Variants in NDOR1 observed in about 807,000 individuals in gnomAD.
The protein encoded by NDOR1 is NADPH dependent diflavin oxidoreductase 1, also known as NADPH-dependent diflavin oxidoreductase 1.
NDOR1 carries 61 observed loss-of-function variants against 67.2 expected under a neutral mutation model. The ratio of observed to expected loss-of-function variants is 0.91; its 90% CI spans 0.74 to 1.12. The LOEUF (loss-of-function observed/expected upper bound fraction) is 1.12, where lower values mean the gene tolerates loss of function less well. NDOR1 is among the 50% of genes most tolerant of loss of function. NDOR1 has a pLI of 0.00. For synonymous variants in NDOR1, 378 were observed against 343.7 expected (o/e 1.10, Z -1.10); for missense variants, 878 against 802.8 (o/e 1.09, Z -1.13).
intron 2 of NDOR1, among the ~76,000 whole-genome samples, 182 bp downstream of exon 2, chr9:137,206,491 G>C (rs947605926): frequency 6.6e-6 from 1 of 152,186 alleles, no homozygotes; most frequent in African/African-American, 2.4e-5. Context: ...TAAACTCGTC[G>C]TAGCCACCAA....
Position 137,218,267 on chromosome 9 carries a change from G to A in NDOR1, c.*1851G>A. 2.5e-6 allele frequency: 1 copy of A among 398,346 alleles called. No homozygotes were observed. Among genetic ancestry groups the A allele is most frequent in the Non-Finnish European group, 4.4e-6 (1 of 225,850 alleles). 24.7% of individuals were successfully genotyped at this position (398,346 alleles called of 1,614,324 possible). ...GGAATGGGAGATCTGCCGGCTACAG[G>A]AGGAGCTGCTACAGGCCGACGGGCC... is the stretch of plus-strand genomic sequence containing the variant. On this transcript the variant is annotated 3_prime_UTR_variant, in exon 14 of 14. Coordinates refer to ENST00000684003, the MANE Select transcript of NDOR1 (RefSeq NM_014434.4).
At position 137,214,865 on chromosome 9, in the gene NDOR1, C is replaced by T. The variant is rs779964848; in HGVS notation, c.912C>T (p.Asp304=). The part of the protein sequence containing the change: ...SMRHLVSHYL[D]IASVPRRSFF... ...GGCACCTCGTGTCCCACTACCTGGA[C>T]ATCGCCAGCGTGCCTCGCCGCTCCT... is the stretch of plus-strand genomic sequence containing the variant. The change falls in exon 8 of 14, where the codon GAC becomes GAT. Residue 304 remains aspartate (D), a synonymous_variant. Transcript: ENST00000684003. 6.8e-6 allele frequency: 11 copies of T among 1,610,562 alleles called. No individual in the cohort carries two copies. The highest frequency in any genetic ancestry group is 9.3e-6 in the Non-Finnish European group (11 of 1,180,030).
chr9:137,215,204 T>C lies in NDOR1; in HGVS notation c.1173+2T>C. Reference sequence around the variant, plus strand: ...TTCTCCATCGCCTCCTCGCTGCTGGTGAGGGGCCTGGTGGTTGGAGCCCAG... The same window carrying C: ...TTCTCCATCGCCTCCTCGCTGCTGGCGAGGGGCCTGGTGGTTGGAGCCCAG... On this transcript the variant is annotated splice_donor_variant, in intron 9 of 13. Coordinates refer to ENST00000684003, the MANE Select transcript of NDOR1 (RefSeq NM_014434.4). LOFTEE classifies it high-confidence loss of function. The C allele has an allele frequency of 2.5e-6, 4 of 1,609,116 alleles. No homozygotes were observed. The African/African-American group carries it at 4.0e-5, about 16-fold the overall frequency.
chr9:137,217,948 C>G lies in NDOR1; in HGVS notation c.*1532C>G. 5.0e-6 allele frequency: 2 copies of G among 398,654 alleles called. No individual in the cohort carries two copies. Among genetic ancestry groups the G allele is most frequent in the Non-Finnish European group, 8.8e-6 (2 of 226,116 alleles). The allele number at this position is 398,654 out of a possible 1,614,324, so 24.7% of individuals were successfully genotyped here. On this transcript the variant is annotated 3_prime_UTR_variant, in exon 14 of 14. Coordinates refer to ENST00000684003, the MANE Select transcript of NDOR1 (RefSeq NM_014434.4). ...GCAAAGGGGATGACCTTGGGCACCC[C>G]CAAGGTGCTGAGACTACAGCCAGTG...
chr9:137,215,630 C>G, intron 10 of NDOR1, 29 bp from the exon 11 acceptor site: 1 of 1,582,154 alleles, frequency 6.3e-7, no homozygotes, highest in East Asian at 2.2e-5. Context: ...GTCTTTGATC[C>G]TCTTCATGCC....
intron 3 of NDOR1, 38 bp from the exon 4 acceptor site, chr9:137,213,742 C>T (rs988018476): frequency 1.7e-5 from 27 of 1,592,772 alleles, no homozygotes; most frequent in East Asian, 1.6e-4. Flanking sequence ...ACTCTCCGCC[C>T]GGGCTCCAGC....
chr9:137,206,287 G>A lies in NDOR1; in HGVS notation c.191G>A (p.Gly64Glu). The A allele has an allele frequency of 6.2e-7, 1 of 1,613,932 alleles. No homozygotes were observed. ...TTTGTTTGTGCAACTACAGGCCAAG[G>A]AGACCCCCCTGACAACATGAAGGTA... ...VIFVCATTGQGDPPDNMKNFW... is the reference protein window; with the variant it reads ...VIFVCATTGQEDPPDNMKNFW... Residue 64 changes from glycine to glutamate, a missense_variant, in exon 2 of 14, where the codon GGA becomes GAA. Physicochemically the swap from Gly to Glu is moderately conservative, Grantham distance 98. Coordinates refer to ENST00000684003, the MANE Select transcript of NDOR1 (RefSeq NM_014434.4).
In NDOR1 at chr9:137,212,711, G is replaced by A; in HGVS notation, c.311+112G>A. The A allele has an allele frequency of 1.1e-6, 1 of 951,088 alleles. No individual in the cohort carries two copies. Among genetic ancestry groups the A allele is most frequent in the Non-Finnish European group, 1.7e-6 (1 of 598,030 alleles). 58.9% of individuals were successfully genotyped at this position (951,088 alleles called of 1,614,324 possible). A position where few individuals can be genotyped will look rare whatever the true frequency, so the allele number is the denominator to read the frequency against. On this transcript the variant is annotated intron_variant, in intron 3 of 13. Coordinates refer to ENST00000684003, the MANE Select transcript of NDOR1 (RefSeq NM_014434.4). The surrounding 1 kb of genome is among the most constrained non-coding windows in gnomAD (Gnocchi z 4.3). Reference sequence around the variant, plus strand: ...CAGGGTCGGCCCCTGCGCGCCTCAGGGCCCTCGCAGTGGTACTGGCTTCTC... The same window carrying A: ...CAGGGTCGGCCCCTGCGCGCCTCAGAGCCCTCGCAGTGGTACTGGCTTCTC...
Position 137,217,834 on chromosome 9 carries a change from C to T in NDOR1, c.*1418C>T. On this transcript the variant is annotated 3_prime_UTR_variant, in exon 14 of 14. Transcript: ENST00000684003. ...TGTGCCCTGGGGCCCCCACCCTCCA[C>T]CTGGCCGACTCCAGCTCTGGGCCTG... 1.0e-5 allele frequency: 4 copies of T among 398,018 alleles called. No homozygotes were observed. The highest frequency in any genetic ancestry group is 1.8e-5 in the Non-Finnish European group (4 of 226,338). 24.7% of individuals were successfully genotyped at this position (398,018 alleles called of 1,614,324 possible). A position where few individuals can be genotyped will look rare whatever the true frequency, so the allele number is the denominator to read the frequency against.
intron 2 of NDOR1, among the ~76,000 whole-genome samples, chr9:137,210,282 C>T (rs530689034): frequency 4.3e-4 from 66 of 152,332 alleles, no homozygotes; most frequent in Admixed American, 2.0e-3. Flanking sequence ...AGTGCAGTGG[C>T]AGCCATCAAC....
In NDOR1 at chr9:137,214,785, A is replaced by G. The variant is rs547142322; in HGVS notation, c.845-13A>G. ...CCGCCGCAGCCCACGGAGGCCTCCC[A>G]CTCACCCTGCAGATGTCTCCTCCCC... is the stretch of plus-strand genomic sequence containing the variant. On this transcript the variant is annotated splice_polypyrimidine_tract_variant and intron_variant, in intron 7 of 13. Transcript: ENST00000684003. 188 of 1,598,414 alleles carry G rather than the reference A, an allele frequency of 1.2e-4. 3 individuals are homozygous for G. In the South Asian group the frequency reaches 2.0e-3, roughly 17 times the overall value.
At chr9:137,213,418 TGAG>T (rs1835357605) in intron 3 of NDOR1, among the ~76,000 whole-genome samples, 1 of 152,150 alleles carries the variant, frequency 6.6e-6, no homozygotes, top group Non-Finnish European at 1.5e-5. Context: ...GTTTCTCAGC[TGAG>T]GAGTGACCCA....
chr9:137,215,233 C>G (rs768863383), intron 9 of NDOR1, 31 bp downstream of exon 9: 5 of 1,597,116 alleles, frequency 3.1e-6, no homozygotes, highest in Non-Finnish European at 4.3e-6. Flanking sequence ...AGCCCAGGAC[C>G]GGCCCTGGGA....
At position 137,214,204 on chromosome 9, in the gene NDOR1, C is replaced by G; in HGVS notation, c.513C>G (p.Pro171=). The G allele has an allele frequency of 6.2e-7, 1 of 1,609,806 alleles. No individual in the cohort carries two copies. The highest frequency in any genetic ancestry group is 8.5e-7 in the Non-Finnish European group (1 of 1,179,150). The part of the protein sequence containing the change: ...PGLTEIPPGV[P]LPSKFTLLFL... ...GTCTGACCAGCGTGCCCTCCCACAG[C>G]CTGCCCTCCAAGTTCACCCTGCTGT... Residue 171 remains proline (P), a splice_region_variant and synonymous_variant, in exon 6 of 14, where the codon CCC becomes CCG. Coordinates refer to ENST00000684003, the MANE Select transcript of NDOR1 (RefSeq NM_014434.4).
intron 2 of NDOR1, among the ~76,000 whole-genome samples, chr9:137,210,218 C>T (rs139345628): frequency 8.6e-4 from 130 of 151,828 alleles, no homozygotes; most frequent in African/African-American, 2.7e-3. Context: ...TTTTCTCTTT[C>T]TCTTTTTCTT....
intron 6 of NDOR1, 55 bp downstream of exon 6, chr9:137,214,468 G>A (rs1835430057): frequency 6.3e-7 from 1 of 1,585,840 alleles, no homozygotes; most frequent in South Asian, 1.1e-5. Flanking sequence ...TGGGTCTGGG[G>A]TTCGGAGGAG....
chr9:137,205,771 C>A lies in NDOR1; in HGVS notation c.-7C>A, dbSNP rs1420111374. ...TAGTCTCAGACCAGACCACCGGGCG[C>A]ACCCCGATGCCGAGCCCGCAGCTTC... On this transcript the variant is annotated 5_prime_UTR_variant, in exon 1 of 14. Coordinates refer to ENST00000684003, the MANE Select transcript of NDOR1 (RefSeq NM_014434.4). 2 of 1,603,008 alleles carry A rather than the reference C, an allele frequency of 1.2e-6. No homozygotes were observed. The highest frequency in any genetic ancestry group is 1.3e-5 in the African/African-American group (1 of 74,918).
chr9:137,216,502 C>T lies in NDOR1; in HGVS notation c.*86C>T, dbSNP rs914454261. 5.5e-5 allele frequency: 83 copies of T among 1,500,948 alleles called. No individual in the cohort carries two copies. In the East Asian group the frequency reaches 1.8e-3, roughly 32 times the overall value. 93.0% of individuals were successfully genotyped at this position (1,500,948 alleles called of 1,614,324 possible). A position where few individuals can be genotyped will look rare whatever the true frequency, so the allele number is the denominator to read the frequency against. On this transcript the variant is annotated 3_prime_UTR_variant, in exon 14 of 14. Coordinates refer to ENST00000684003, the MANE Select transcript of NDOR1 (RefSeq NM_014434.4). ...CACGAGGGAGCTCCTGGCCAGCAGCCGTCATCCTCTCGGACCAGCCAGCTG... is the reference window on the plus strand; with the variant it reads ...CACGAGGGAGCTCCTGGCCAGCAGCTGTCATCCTCTCGGACCAGCCAGCTG...
At chr9:137,215,843 G>A (rs775492394) in intron 11 of NDOR1, 38 bp downstream of exon 11, 7 of 1,608,144 alleles carry the variant, frequency 4.4e-6, no homozygotes, top group Middle Eastern at 1.6e-4. Flanking sequence ...TTGTTGCCAG[G>A]GCTCCCCAGC....
Sources: allele counts gnomAD v4.1 joint callset (sites outside exome capture counted in the v4.1 genomes callset), GRCh38; gene constraint gnomAD v4.1.1; non-coding constraint Gnocchi (gnomAD v3.1); transcripts MANE v1.5; gene names NCBI Gene and HGNC (gene_info 2026-07-23, HGNC 2026-07-21).